Variants in SLC30A9 observed in about 807,000 individuals in gnomAD.
SLC30A9 encodes the protein proton-coupled zinc antiporter SLC30A9, mitochondrial.
SLC30A9 carries 58 observed loss-of-function variants against 87.5 expected under a neutral mutation model. The observed-to-expected ratio is 0.66, with a 90% CI of 0.54 to 0.82. SLC30A9 has a LOEUF of 0.82. SLC30A9 is among the 40% of genes least tolerant of loss of function. The pLI is 0.00. For synonymous variants in SLC30A9, 234 were observed against 233.0 expected (o/e 1.00, Z -0.04); for missense variants, 557 against 679.1 (o/e 0.82, Z 2.00).
At chr4:42,032,949 CAT>C (rs1716509516) in intron 6 of SLC30A9, among the ~76,000 whole-genome samples, 2 of 152,224 alleles carry the variant, frequency 1.3e-5, no homozygotes, top group Admixed American at 6.5e-5. Flanking sequence ...TCTCTACACA[CAT>C]AGAGAATAAA....
chr4:42,035,591 G>A lies in SLC30A9; in HGVS notation c.669+258G>A, dbSNP rs12649591. Among the ~76,000 whole-genome samples, 90,391 of 150,984 alleles carry A rather than the reference G, an allele frequency of 0.6. 32,665 individuals are homozygous for A. The highest frequency in any genetic ancestry group is 0.95 in the East Asian group (4,888 of 5,122). ...CGGCTCACTGCAATCTCCGCCTCCC[G>A]GGTTTGAGCAATTCTCCTGCCTCAG... is the stretch of plus-strand genomic sequence containing the variant. On this transcript the variant is annotated intron_variant, in intron 7 of 17. Coordinates refer to ENST00000264451, the MANE Select transcript of SLC30A9 (RefSeq NM_006345.4).
chr4:41,990,885 G>GC (rs1406302763), intron 1 of SLC30A9, 125 bp downstream of exon 1: 1 of 699,378 alleles, frequency 1.4e-6, no homozygotes, highest in Non-Finnish European at 2.4e-6. Flanking sequence ...TTCCTTTCTG[G>GC]CCTCCGCCTT....
At chr4:42,081,035 T>G (rs1718725242) in intron 17 of SLC30A9, among the ~76,000 whole-genome samples, 1 of 152,224 alleles carries the variant, frequency 6.6e-6, no homozygotes, top group Non-Finnish European at 1.5e-5. Context: ...AATACTGTTG[T>G]TTTCCTTGAA....
chr4:42,006,686 CAAAAAA>C (rs61627323), intron 2 of SLC30A9, among the ~76,000 whole-genome samples: 21 of 129,288 alleles, frequency 1.6e-4, no homozygotes, highest in Middle Eastern at 3.8e-3. Flanking sequence ...GACCCTGTCT[CAAAAAA>C]AAAAAAAAAA....
chr4:42,035,140 A>G (rs930099710), intron 6 of SLC30A9, 135 bp from the exon 7 acceptor site: 1 of 835,098 alleles, frequency 1.2e-6, no homozygotes, highest in Admixed American at 3.2e-5. Flanking sequence ...ACAAATCCAA[A>G]TTTTTTATAA....
At chr4:42,023,065 G>A (rs1716041824) in intron 5 of SLC30A9, 135 bp downstream of exon 5, 1 of 575,258 alleles carries the variant, frequency 1.7e-6, no homozygotes, top group African/African-American at 1.9e-5. Context: ...CTGTTTATTT[G>A]TGAGTTACTA....
intron 17 of SLC30A9, among the ~76,000 whole-genome samples, chr4:42,084,797 G>A (rs573041806): frequency 6.6e-6 from 1 of 152,306 alleles, no homozygotes; most frequent in Admixed American, 6.5e-5. Flanking sequence ...TGCACTCACA[G>A]GAAAAAGAAA....
Position 42,082,532 on chromosome 4 carries a change from G to A in SLC30A9, c.1663-3550G>A, listed in dbSNP as rs1260918329. On this transcript the variant is annotated intron_variant, in intron 17 of 17. Coordinates refer to ENST00000264451, the MANE Select transcript of SLC30A9 (RefSeq NM_006345.4). ...AGTAATGCCATTGAGTGTTGAAATA[G>A]ATTATATTTTTGGCTTAAAATTCCA... 3.3e-5 allele frequency among the ~76,000 whole-genome samples: 5 copies of A among 152,138 alleles called. 1 individual carries two copies. Among genetic ancestry groups the A allele is most frequent in the Non-Finnish European group, 2.9e-5 (2 of 68,042 alleles).
rs559355664 is a variant in SLC30A9, at chr4:42,041,879, G to A, written c.737+2826G>A. Among the ~76,000 whole-genome samples the A allele has an allele frequency of 4.6e-5, 7 of 152,282 alleles. No individual in the cohort carries two copies. In the South Asian group the frequency reaches 1.5e-3, roughly 32 times the overall value. ...GTACCTGGCTCATCTCATTGGGACT[G>A]GTCAGACAGTGGGTGCAGCCCATGG... is the stretch of plus-strand genomic sequence containing the variant. On this transcript the variant is annotated intron_variant, in intron 8 of 17. Transcript: ENST00000264451.
chr4:42,005,784 G>C (rs573849414), intron 2 of SLC30A9, among the ~76,000 whole-genome samples: 1 of 152,144 alleles, frequency 6.6e-6, no homozygotes, highest in Non-Finnish European at 1.5e-5. Context: ...ATAAAAGGAA[G>C]CATTAAAGGA....
chr4:42,033,694 A>G (rs1194977725), intron 6 of SLC30A9, among the ~76,000 whole-genome samples: 1 of 152,012 alleles, frequency 6.6e-6, no homozygotes, highest in African/African-American at 2.4e-5. Context: ...TCCTGCCTCA[A>G]CTTCTCAAGT....
intron 8 of SLC30A9, among the ~76,000 whole-genome samples, chr4:42,040,818 A>G (rs1334635813): frequency 3.3e-5 from 5 of 150,974 alleles, no homozygotes; most frequent in Non-Finnish European, 7.4e-5. Flanking sequence ...AAAGAAAAAG[A>G]AAAAGGTGGA....
At chr4:42,035,239 T>C (rs1439805929) in intron 6 of SLC30A9, 36 bp from the exon 7 acceptor site, 4 of 1,568,056 alleles carry the variant, frequency 2.6e-6, no homozygotes, top group Non-Finnish European at 3.5e-6. Context: ...CTGGTAAGAA[T>C]ATCTATGACC....
At chr4:42,067,344 G>T in intron 14 of SLC30A9, 152 bp downstream of exon 14, 1 of 564,612 alleles carries the variant, frequency 1.8e-6, no homozygotes, top group South Asian at 2.2e-5. Flanking sequence ...TAAGACATTT[G>T]GTCAGCAGAA....
chr4:42,036,518 G>C (rs1386697281), intron 7 of SLC30A9, among the ~76,000 whole-genome samples: 1 of 152,138 alleles, frequency 6.6e-6, no homozygotes, highest in Non-Finnish European at 1.5e-5. Context: ...CTGTGGCCAA[G>C]TTGACTTTCC....
rs1719054638 is a variant in SLC30A9 at position 42,090,354 on chromosome 4, G to C, written c.*4228G>C. 1 of 152,062 alleles carries C rather than the reference G, an allele frequency of 6.6e-6. No homozygotes were observed. The highest frequency in any genetic ancestry group is 1.5e-5 in the Non-Finnish European group (1 of 67,998). 9.4% of individuals were successfully genotyped at this position (152,062 alleles called of 1,614,324 possible). On this transcript the variant is annotated 3_prime_UTR_variant, in exon 18 of 18. Coordinates refer to ENST00000264451, the MANE Select transcript of SLC30A9 (RefSeq NM_006345.4). ...TTATGCAAAAAGAAAATTTTTATTC[G>C]TTATATTGTATTTCATCTGTCTGAT...
intron 4 of SLC30A9, among the ~76,000 whole-genome samples, chr4:42,022,244 CTTT>C (rs113214269): frequency 7.8e-6 from 1 of 128,566 alleles, no homozygotes. Context: ...TTATTTTTCA[CTTT>C]TTTTTTTTTT....
At chr4:42,038,872 A>G (rs1716798897) in intron 7 of SLC30A9, 114 bp from the exon 8 acceptor site, 2 of 656,514 alleles carry the variant, frequency 3.0e-6, no homozygotes, top group Non-Finnish European at 5.5e-6. Flanking sequence ...AAATAAGTAA[A>G]TCTAATTCAG....
At chr4:42,058,939 A>G (rs1717736779) in intron 9 of SLC30A9, among the ~76,000 whole-genome samples, 1 of 152,156 alleles carries the variant, frequency 6.6e-6, no homozygotes, top group African/African-American at 2.4e-5. Context: ...TCTTAGTTTA[A>G]TTCCCTGAAA....
Sources: allele counts gnomAD v4.1 joint callset (sites outside exome capture counted in the v4.1 genomes callset), GRCh38; gene constraint gnomAD v4.1.1; transcripts MANE v1.5; gene names NCBI Gene and HGNC (gene_info 2026-07-23, HGNC 2026-07-21).